Variants in DGKI observed in about 807,000 individuals in gnomAD.
The protein encoded by DGKI is diacylglycerol kinase iota.
In DGKI, 55 loss-of-function variants were observed where a neutral mutation model predicts 147.5. The observed-to-expected ratio is 0.37, with a 90% CI of 0.30 to 0.47. DGKI has a LOEUF of 0.47. DGKI is among the 20% of genes least tolerant of loss of function. The pLI, the probability that DGKI is intolerant of heterozygous loss-of-function variation, is 1.00. For synonymous variants in DGKI, 469 were observed against 477.1 expected (o/e 0.98, Z 0.22); for missense variants, 1,007 against 1,323.8 (o/e 0.76, Z 3.71).
chr7:137,538,710 CT>C (rs1423787062), intron 20 of DGKI, among the ~76,000 whole-genome samples: 1 of 152,144 alleles, frequency 6.6e-6, no homozygotes, highest in African/African-American at 2.4e-5. Flanking sequence ...AGATCTTATC[CT>C]GGTGAAGGTG....
At chr7:137,765,028 G>T (rs1415569919) in intron 1 of DGKI, among the ~76,000 whole-genome samples, 1 of 152,164 alleles carries the variant, frequency 6.6e-6, no homozygotes, top group Admixed American at 6.5e-5. Context: ...TCCTTCCATG[G>T]TTTCTCCTGA....
Position 137,447,349 on chromosome 7 carries a change from T to A in DGKI, c.2736-3247A>T, listed in dbSNP as rs149629076. 4.7e-3 allele frequency among the ~76,000 whole-genome samples: 716 copies of A among 152,022 alleles called. 5 individuals carry two copies. Among genetic ancestry groups the A allele is most frequent in the Non-Finnish European group, 6.8e-3 (461 of 67,976 alleles). The stretch of plus-strand genomic sequence containing the variant: ...CTCATAATCTAGTGAAAAAGAAAAA[T>A]ATGTAAATAAATGATTATAATGTAA... On this transcript the variant is annotated intron_variant, in intron 27 of 32. Coordinates refer to ENST00000614521, the MANE Select transcript of DGKI (RefSeq NM_001321708.2).
rs190551639 is a variant in DGKI, at chr7:137,728,229, C to T, written c.402-38227G>A. Among the ~76,000 whole-genome samples, 495 of 152,202 alleles carry T rather than the reference C, an allele frequency of 3.3e-3. 3 individuals are homozygous for T. The highest frequency in any genetic ancestry group is 0.011 in the African/African-American group (475 of 41,528). ...ACAATGTGGTCCAACACAGTGGTAACGTCAAAGTCTGCTCCCATCTAAGGA... is the reference window on the plus strand; with the variant it reads ...ACAATGTGGTCCAACACAGTGGTAATGTCAAAGTCTGCTCCCATCTAAGGA... On this transcript the variant is annotated intron_variant, in intron 1 of 32. Coordinates refer to ENST00000614521, the MANE Select transcript of DGKI (RefSeq NM_001321708.2).
chr7:137,839,899 A>T (rs1408639221), intron 1 of DGKI, among the ~76,000 whole-genome samples: 1 of 152,214 alleles, frequency 6.6e-6, no homozygotes, highest in Non-Finnish European at 1.5e-5. Flanking sequence ...CCTGTTAGAA[A>T]GCTGTTGCCC....
rs1411919359 is a variant in DGKI at position 137,387,823 on chromosome 7, TAATAA to T, written c.*3392_*3396del. The T allele has an allele frequency of 2.6e-5, 4 of 152,142 alleles. No homozygotes were observed. The highest frequency in any genetic ancestry group is 5.9e-5 in the Non-Finnish European group (4 of 68,012). The allele number at this position is 152,142 out of a possible 1,614,324, so 9.4% of individuals were successfully genotyped here. On this transcript the variant is annotated 3_prime_UTR_variant, in exon 33 of 33. Coordinates refer to ENST00000614521, the MANE Select transcript of DGKI (RefSeq NM_001321708.2). ...AAATATTATTAATAAAATTGACATG[TAATAA>T]AATAAAGATGCTGTGTCATTTTTTA...
chr7:137,499,340 T>C (rs915147668), intron 21 of DGKI, among the ~76,000 whole-genome samples: 1 of 152,144 alleles, frequency 6.6e-6, no homozygotes, highest in African/African-American at 2.4e-5. Context: ...ACTGTGATGA[T>C]TAATTTTATG....
At chr7:137,451,908 C>T (rs1813980128) in intron 27 of DGKI, among the ~76,000 whole-genome samples, 2 of 151,996 alleles carry the variant, frequency 1.3e-5, no homozygotes, top group African/African-American at 2.4e-5. Context: ...TAAAAGCACC[C>T]ATGGCCTTCC....
At chr7:137,500,241 C>G (rs1234681920) in intron 21 of DGKI, among the ~76,000 whole-genome samples, 1 of 151,930 alleles carries the variant, frequency 6.6e-6, no homozygotes, top group African/African-American at 2.4e-5. Flanking sequence ...CTCCATTAAC[C>G]CTCTTTCCCT....
intron 31 of DGKI, 111 bp from the exon 32 acceptor site, chr7:137,395,808 T>C: frequency 1.1e-6 from 1 of 917,330 alleles, no homozygotes. Flanking sequence ...TGTAGGCTGC[T>C]GAGACTTTGG....
intron 2 of DGKI, 130 bp from the exon 3 acceptor site, chr7:137,678,782 T>A: frequency 1.3e-6 from 1 of 765,986 alleles, no homozygotes; most frequent in Non-Finnish European, 2.2e-6. Context: ...ATTTGACCAC[T>A]AAAAGTACTG....
At position 137,536,494 on chromosome 7, in the gene DGKI, C is replaced by T. The variant is rs184477055; in HGVS notation, c.2148-14528G>A. On this transcript the variant is annotated intron_variant, in intron 20 of 32. Transcript: ENST00000614521. ...GCCCAGTACTCAGAACCAAGGACAACGCTGTCTTGTCCCATAGCAAGTCTC... is the reference window on the plus strand; with the variant it reads ...GCCCAGTACTCAGAACCAAGGACAATGCTGTCTTGTCCCATAGCAAGTCTC... Among the ~76,000 whole-genome samples the T allele has an allele frequency of 9.9e-4, 150 of 152,248 alleles. 1 individual carries two copies. The highest frequency in any genetic ancestry group is 3.4e-3 in the African/African-American group (141 of 41,560).
chr7:137,799,032 T>TA (rs1410396248), intron 1 of DGKI, among the ~76,000 whole-genome samples: 1 of 152,132 alleles, frequency 6.6e-6, no homozygotes, highest in South Asian at 2.1e-4. Flanking sequence ...TCTATTTTTT[T>TA]AAAAAAACTC....
chr7:137,426,281 T>G (rs1340997926), intron 28 of DGKI, among the ~76,000 whole-genome samples: 2 of 152,140 alleles, frequency 1.3e-5, no homozygotes, highest in Non-Finnish European at 2.9e-5. Flanking sequence ...AACCCAGAAT[T>G]TCATATCCAG....
At chr7:137,414,738 A>G (rs1398812279) in intron 28 of DGKI, among the ~76,000 whole-genome samples, 3 of 152,284 alleles carry the variant, frequency 2.0e-5, no homozygotes, top group East Asian at 1.9e-4. Flanking sequence ...TGCAAGGCCT[A>G]CAGACAGTGA....
At chr7:137,620,097 C>T (rs568733037) in intron 7 of DGKI, among the ~76,000 whole-genome samples, 157 bp from the exon 8 acceptor site, 26 of 152,116 alleles carry the variant, frequency 1.7e-4, no homozygotes, top group Middle Eastern at 3.4e-3. Context: ...CACATGCACA[C>T]ATGGGCACAC....
At position 137,429,389 on chromosome 7, in the gene DGKI, T is replaced by C. The variant is rs1367493066; in HGVS notation, c.2761+14688A>G. Among the ~76,000 whole-genome samples the C allele has an allele frequency of 2.1e-3, 319 of 152,178 alleles. 1 individual carries two copies. Among genetic ancestry groups the C allele is most frequent in the Middle Eastern group, 0.014 (4 of 294 alleles). On this transcript the variant is annotated intron_variant, in intron 28 of 32. Transcript: ENST00000614521. ...AAGTGGATCCCTTCCTTACACCTTA[T>C]ACAAAAATTAATTCAAGATGGATTA... is the stretch of plus-strand genomic sequence containing the variant.
chr7:137,830,598 G>A (rs996260317), intron 1 of DGKI, among the ~76,000 whole-genome samples: 2 of 152,216 alleles, frequency 1.3e-5, no homozygotes, highest in African/African-American at 4.8e-5. Context: ...AGCCAGAAAA[G>A]TGAAGTTGAT....
intron 1 of DGKI, among the ~76,000 whole-genome samples, chr7:137,809,837 G>A (rs1277581820): frequency 6.6e-6 from 1 of 151,922 alleles, no homozygotes; most frequent in Non-Finnish European, 1.5e-5. Flanking sequence ...TGAGGAGGTC[G>A]AGGCTGCAGT....
At chr7:137,628,978 C>CTT (rs1354849596) in intron 6 of DGKI, among the ~76,000 whole-genome samples, 1 of 151,994 alleles carries the variant, frequency 6.6e-6, no homozygotes, top group Non-Finnish European at 1.5e-5. Context: ...ATATTCTGAC[C>CTT]ATAGGCTGAT....
Sources: gnomAD v4.1 joint callset for allele counts (sites outside exome capture counted in the v4.1 genomes callset) on GRCh38, gnomAD v4.1.1 for gene constraint, MANE v1.5 for transcripts, NCBI Gene and HGNC (gene_info 2026-07-23, HGNC 2026-07-21) for gene names.